Variants in FDXACB1 observed in about 807,000 individuals in gnomAD.
FDXACB1 encodes the protein ferredoxin-fold anticodon-binding domain-containing protein 1.
A neutral mutation model predicts 51.7 loss-of-function variants in FDXACB1; 41 were observed. The ratio of observed to expected loss-of-function variants is 0.79; its 90% CI spans 0.62 to 1.03. FDXACB1 has a LOEUF of 1.03. FDXACB1 is among the 50% of genes least tolerant of loss of function. The pLI is 0.00. For synonymous variants in FDXACB1, 273 were observed against 278.6 expected (o/e 0.98, Z 0.20); for missense variants, 697 against 746.4 (o/e 0.93, Z 0.77).
intron 4 of FDXACB1, 145 bp from the exon 5 acceptor site, chr11:111,876,249 T>C: frequency 1.1e-6 from 1 of 923,224 alleles, no homozygotes; most frequent in East Asian, 2.7e-5. Flanking sequence ...TCATCTACCA[T>C]AAGGAGAAAC....
In FDXACB1 at chr11:111,875,317, A is replaced by G. The variant is rs117189763; in HGVS notation, c.1480T>C (p.Leu494=). 8.1e-3 allele frequency: 13,051 copies of G among 1,613,966 alleles called. 70 individuals are homozygous for G. The highest frequency in any genetic ancestry group is 0.024 in the Middle Eastern group (147 of 6,062). ...FVFVSMNLDL[L]AMLVWCISDW... is the part of the protein sequence containing the mutation. ...GAGATACACCAGACAAGCATGGCTAATAAGTCCAAGTTCATAGACACAAAC... is the reference window on the plus strand; with the variant it reads ...GAGATACACCAGACAAGCATGGCTAGTAAGTCCAAGTTCATAGACACAAAC... Residue 494 remains leucine, a synonymous_variant, in exon 5 of 5, where the codon TTA becomes CTA. Coordinates refer to ENST00000260257, the MANE Select transcript of FDXACB1 (RefSeq NM_138378.3).
Position 111,876,768 on chromosome 11 carries a change from GA to G in FDXACB1, c.533+39del, listed in dbSNP as rs782709281. The G allele has an allele frequency of 3.1e-6, 5 of 1,602,198 alleles. No homozygotes were observed. In the East Asian group the frequency reaches 1.1e-4, roughly 36 times the overall value. ...AGATTTTGTTATCATTAGTGAGAGA[GA>G]TGAAAACGCAGAAGGCTTAAACCTA... On this transcript the variant is annotated intron_variant, in intron 3 of 4. Coordinates refer to ENST00000260257, the MANE Select transcript of FDXACB1 (RefSeq NM_138378.3).
chr11:111,876,148 T>A, intron 4 of FDXACB1, 44 bp from the exon 5 acceptor site: 1 of 1,382,582 alleles, frequency 7.2e-7, no homozygotes, highest in Non-Finnish European at 9.9e-7. Flanking sequence ...CTTAAGATAG[T>A]AAATAATTAT....
At chr11:111,877,512 C>A in intron 2 of FDXACB1, among the ~76,000 whole-genome samples, 1 of 106,910 alleles carries the variant, frequency 9.4e-6, no homozygotes, top group Non-Finnish European at 1.9e-5. Context: ...CTGTTAGTTA[C>A]TTTTTTTTTT....
chr11:111,874,794 A>T lies in FDXACB1; in HGVS notation c.*128T>A. 1.4e-6 allele frequency: 1 copy of T among 699,100 alleles called. No individual in the cohort carries two copies. The highest frequency in any genetic ancestry group is 2.3e-6 in the Non-Finnish European group (1 of 429,278). The allele number at this position is 699,100 out of a possible 1,614,324, so 43.3% of individuals were successfully genotyped here. Reference sequence around the variant, plus strand: ...AAAAAAAAAAAGATCAACGAACAGTAGCTATGGTCACAAAGTAAAAGATTT... The same window carrying T: ...AAAAAAAAAAAGATCAACGAACAGTTGCTATGGTCACAAAGTAAAAGATTT... On this transcript the variant is annotated 3_prime_UTR_variant, in exon 5 of 5. Transcript: ENST00000260257.
In FDXACB1 at chr11:111,874,857, A is replaced by G. The variant is rs1555161801; in HGVS notation, c.*65T>C. 1 of 1,430,534 alleles carries G rather than the reference A, an allele frequency of 7.0e-7. No individual in the cohort carries two copies. The highest frequency in any genetic ancestry group is 1.4e-5 in the African/African-American group (1 of 70,902). The allele number at this position is 1,430,534 out of a possible 1,614,324, so 88.6% of individuals were successfully genotyped here. A position where few individuals can be genotyped will look rare whatever the true frequency, so the allele number is the denominator to read the frequency against. ...AATCCAGAAAGGACTACTGGTTGCAAGTTGGTAATTTTCCTCCACATCCCC... is the reference window on the plus strand; with the variant it reads ...AATCCAGAAAGGACTACTGGTTGCAGGTTGGTAATTTTCCTCCACATCCCC... On this transcript the variant is annotated 3_prime_UTR_variant, in exon 5 of 5. Coordinates refer to ENST00000260257, the MANE Select transcript of FDXACB1 (RefSeq NM_138378.3).
In FDXACB1 at chr11:111,875,375, G is replaced by A. The variant is rs782064958; in HGVS notation, c.1422C>T (p.Ala474=). Residue 474 remains alanine, a synonymous_variant, in exon 5 of 5, where the codon GCC becomes GCT. Transcript: ENST00000260257. ...DLIIGSVITS[A]TSVIHKDQCF... is the part of the protein sequence containing the mutation. ...ACTGGTCTTTATGTATAACACTAGTGGCAGATGTGATAACAGACCCAATAA... is the reference window on the plus strand; with the variant it reads ...ACTGGTCTTTATGTATAACACTAGTAGCAGATGTGATAACAGACCCAATAA... The A allele has an allele frequency of 3.7e-6, 6 of 1,613,648 alleles. No homozygotes were observed. In the South Asian group the frequency reaches 6.6e-5, roughly 18 times the overall value.
rs1555162187 is a variant in FDXACB1 at position 111,876,616 on chromosome 11, A to G, written c.557T>C (p.Val186Ala). The G allele has an allele frequency of 6.2e-7, 1 of 1,613,712 alleles. No individual in the cohort carries two copies. Among genetic ancestry groups the G allele is most frequent in the South Asian group, 1.1e-5 (1 of 91,044 alleles). ...GAAGATATGGTTCAAAGCACCTTCT[A>G]CATGAAAGGACTTATCTTGACTCCT... ...GYRSQDKSFHVEGALNHIFTR... is the reference protein window; with the variant it reads ...GYRSQDKSFHAEGALNHIFTR... The change falls in exon 4 of 5, where the codon GTA becomes GCA. Residue 186 changes from valine to alanine, a missense_variant. Physicochemically the swap from Val to Ala is moderately conservative, Grantham distance 64. Coordinates refer to ENST00000260257, the MANE Select transcript of FDXACB1 (RefSeq NM_138378.3).
intron 2 of FDXACB1, 26 bp from the exon 3 acceptor site, chr11:111,877,037 C>T (rs1964831588): frequency 1.3e-6 from 2 of 1,551,210 alleles, no homozygotes; most frequent in South Asian, 1.2e-5. Context: ...GAAACACTAA[C>T]TAATTATCAT....
rs1555161828 is a variant in FDXACB1, at chr11:111,874,977, A to G, written c.1820T>C (p.Met607Thr). 1.2e-6 allele frequency: 2 copies of G among 1,614,022 alleles called. No homozygotes were observed. The highest frequency in any genetic ancestry group is 3.3e-5 in the Admixed American group (2 of 60,028). ...KALTQQQVAS[M>T]QSQFRKEIQQ... ...AATCTCCTTCCTAAACTGGGACTGC[A>G]TTGATGCTACTTGCTGCTGGGTGAG... The change falls in exon 5 of 5, where the codon ATG (methionine) becomes ACG (threonine). Residue 607 changes from methionine to threonine, a missense_variant. Around this residue, in one of 3 missense-constraint regions of FDXACB1, gnomAD observed 538 missense variants for 592.2 expected, o/e 0.91. Coordinates refer to ENST00000260257, the MANE Select transcript of FDXACB1 (RefSeq NM_138378.3).
Position 111,875,809 on chromosome 11 carries a change from C to G in FDXACB1, c.988G>C (p.Asp330His), listed in dbSNP as rs1489458854. The G allele has an allele frequency of 2.5e-6, 4 of 1,613,766 alleles. No homozygotes were observed. Among genetic ancestry groups the G allele is most frequent in the Non-Finnish European group, 3.4e-6 (4 of 1,179,886 alleles). The change falls in exon 5 of 5, where the codon GAT (aspartate) becomes CAT (histidine). Residue 330 changes from aspartate (D) to histidine (H), a missense_variant. Coordinates refer to ENST00000260257, the MANE Select transcript of FDXACB1 (RefSeq NM_138378.3). ...ELSLLKNPGR[D>H]GKEEACEGTC... The stretch of plus-strand genomic sequence containing the variant: ...CCTTCACAAGCTTCTTCTTTACCAT[C>G]TCTTCCAGGATTCTTGAGAAGGCTA...
In FDXACB1 at chr11:111,879,024, G is replaced by C. The variant is rs1294440962; in HGVS notation, c.109C>G (p.Arg37Gly). The change falls in exon 1 of 5, where the codon CGC (arginine) becomes GGC (glycine). Residue 37 changes from arginine to glycine, a missense_variant. Physicochemically the swap from Arg to Gly is moderately radical, Grantham distance 125 (BLOSUM62 -2). This residue lies in a region of FDXACB1 where 153 missense variants were observed against 133.5 expected (regional missense o/e 1.15). Coordinates refer to ENST00000260257, the MANE Select transcript of FDXACB1 (RefSeq NM_138378.3). Reference sequence around the variant, plus strand: ...GGATCCCGAGCCAACTCGGCCGGGCGCTGGAGGCAGGTGGCGGTAAGTTGA... The same window carrying C: ...GGATCCCGAGCCAACTCGGCCGGGCCCTGGAGGCAGGTGGCGGTAAGTTGA... ...STQLTATCLQRPAELARDPLA... is the reference protein window; with the variant it reads ...STQLTATCLQGPAELARDPLA... 7 of 1,613,412 alleles carry C rather than the reference G, an allele frequency of 4.3e-6. No homozygotes were observed. The African/African-American group carries it at 8.0e-5, about 18-fold the overall frequency.
rs782255885 is a variant in FDXACB1 at position 111,875,104 on chromosome 11, C to T, written c.1693G>A (p.Asp565Asn). The change falls in exon 5 of 5, where the codon GAC becomes AAC. Residue 565 changes from aspartate (D) to asparagine (N), a missense_variant. Around this residue, in one of 3 missense-constraint regions of FDXACB1, gnomAD observed 538 missense variants for 592.2 expected, o/e 0.91. Transcript: ENST00000260257. ...FHTVARAVSQ[D>N]TIISIQFLSR... ...AGAAACTGTATGGATATAATAGTGT[C>T]CTGAGACACTGCTCGGGCCACAGTG... The T allele has an allele frequency of 6.2e-7, 1 of 1,613,882 alleles. No homozygotes were observed. Among genetic ancestry groups the T allele is most frequent in the Non-Finnish European group, 8.5e-7 (1 of 1,179,880 alleles).
At chr11:111,877,186 GCATAAATTAAATGTTCAACCCACT>G (rs1229347331) in intron 2 of FDXACB1, among the ~76,000 whole-genome samples, 175 bp from the exon 3 acceptor site, 9 of 152,290 alleles carry the variant, frequency 5.9e-5, no homozygotes, top group South Asian at 2.1e-4. Flanking sequence ...GTAAATAGAA[GCATAAATTAAATGTTCAACCCACT>G]CACTGATAAG....
At position 111,876,568 on chromosome 11, in the gene FDXACB1, C is replaced by A. The variant is rs1555162173; in HGVS notation, c.605G>T (p.Gly202Val). The A allele has an allele frequency of 1.2e-6, 2 of 1,613,890 alleles. No individual in the cohort carries two copies. The highest frequency in any genetic ancestry group is 2.2e-5 in the East Asian group (1 of 44,890). The change falls in exon 4 of 5, where the codon GGT becomes GTT. Residue 202 changes from glycine (G) to valine (V), a missense_variant. Transcript: ENST00000260257. ...HIFTRSLPFE[G>V]SQPRIFRIKL... ...GATCCTGAAGATTCTGGGTTGAGAA[C>A]CTTCAAAAGGTAAGCTCCTGGTGAA... is the stretch of plus-strand genomic sequence containing the variant.
Position 111,875,990 on chromosome 11 carries a change from C to T in FDXACB1, c.807G>A (p.Leu269=), listed in dbSNP as rs1555162088. The T allele has an allele frequency of 6.2e-7, 1 of 1,613,982 alleles. No individual in the cohort carries two copies. The highest frequency in any genetic ancestry group is 1.1e-5 in the South Asian group (1 of 91,088). ...GAAGAACACTGGTACCTTCCTGTGG[C>T]AGCAAAGGGTAGGAACACTTCAGCC... ...LKRLKCSYPL[L]PQEGTSVLPF... is the part of the protein sequence containing the mutation. The change falls in exon 5 of 5, where the codon CTG becomes CTA. Residue 269 remains leucine, a synonymous_variant. Coordinates refer to ENST00000260257, the MANE Select transcript of FDXACB1 (RefSeq NM_138378.3).
At position 111,874,432 on chromosome 11, in the gene FDXACB1, A is replaced by G. The variant is rs1555161741; in HGVS notation, c.*490T>C. 1 of 155,340 alleles carries G rather than the reference A, an allele frequency of 6.4e-6. No homozygotes were observed. Among genetic ancestry groups the G allele is most frequent in the Non-Finnish European group, 1.4e-5 (1 of 70,082 alleles). The allele number at this position is 155,340 out of a possible 1,614,324, so 9.6% of individuals were successfully genotyped here. A position where few individuals can be genotyped will look rare whatever the true frequency, so the allele number is the denominator to read the frequency against. On this transcript the variant is annotated 3_prime_UTR_variant, in exon 5 of 5. Transcript: ENST00000260257. ...CACATTATAATCTATAAGTTTCAGT[A>G]ATAGAGTCAAGGTATCTTTAAGATC...
At chr11:111,876,420 C>T in intron 4 of FDXACB1, 61 bp downstream of exon 4, 1 of 1,559,018 alleles carries the variant, frequency 6.4e-7, no homozygotes, top group Non-Finnish European at 8.7e-7. Context: ...ATATGGTTGC[C>T]ATCAAGACAA....
chr11:111,875,717 T>G lies in FDXACB1; in HGVS notation c.1080A>C (p.Glu360Asp), dbSNP rs782469814. 6.2e-7 allele frequency: 1 copy of G among 1,613,638 alleles called. No individual in the cohort carries two copies. The highest frequency in any genetic ancestry group is 2.2e-5 in the East Asian group (1 of 44,890). ...GAGAACCTGAGAGGAAGTCTGGTAC[T>G]TCGATGACATCCTGAACATGCACTA... ...SLLVHVQDVIEVPDFLSGSLH... is the reference protein window; with the variant it reads ...SLLVHVQDVIDVPDFLSGSLH... The change falls in exon 5 of 5, where the codon GAA becomes GAC. Residue 360 changes from glutamate to aspartate, a missense_variant. Transcript: ENST00000260257.
Sources: gnomAD v4.1 joint callset for allele counts (sites outside exome capture counted in the v4.1 genomes callset) on GRCh38, gnomAD v4.1.1 for gene constraint, gnomAD v4.1.1 regional missense constraint, MANE v1.5 for transcripts, NCBI Gene and HGNC (gene_info 2026-07-23, HGNC 2026-07-21) for gene names.